Variants in WDPCP observed in about 807,000 individuals in gnomAD.
WDPCP encodes the protein WD repeat containing planar cell polarity effector, also known as WD repeat-containing and planar cell polarity effector protein fritz homolog.
In WDPCP, 71 loss-of-function variants were observed where a neutral mutation model predicts 93.1. The observed-to-expected ratio is 0.76, with a 90% CI of 0.63 to 0.93. WDPCP has a LOEUF of 0.93. WDPCP is among the 40% of genes least tolerant of loss of function. The pLI is 0.00. For synonymous variants in WDPCP, 315 were observed against 315.0 expected (o/e 1.00, Z 0.00); for missense variants, 844 against 887.4 (o/e 0.95, Z 0.62).
intron 14 of WDPCP, among the ~76,000 whole-genome samples, chr2:63,201,001 C>G (rs1462261397): frequency 5.3e-5 from 8 of 152,070 alleles, no homozygotes. Context: ...TGTGTCATCA[C>G]CCAAATCTAC....
At chr2:63,603,034 A>G (rs894890685) in intron 3 of WDPCP, among the ~76,000 whole-genome samples, 9 of 132,084 alleles carry the variant, frequency 6.8e-5, no homozygotes, top group Admixed American at 8.2e-5. Context: ...ATCTCGGCTC[A>G]CTGCAACCTC....
At chr2:63,282,459 C>T (rs940780198) in intron 13 of WDPCP, among the ~76,000 whole-genome samples, 13 of 152,244 alleles carry the variant, frequency 8.5e-5, no homozygotes, top group Middle Eastern at 3.4e-3. Context: ...GAGCCGAGAT[C>T]GCGCCACTGC....
Position 63,121,807 on chromosome 2 carries a change from C to T in WDPCP, c.*199G>A, listed in dbSNP as rs188973730. 8.0e-4 allele frequency: 1,044 copies of T among 1,311,336 alleles called. 3 individuals carry two copies. Among genetic ancestry groups the T allele is most frequent in the African/African-American group, 5.2e-3 (347 of 67,178 alleles). The allele number at this position is 1,311,336 out of a possible 1,614,324, so 81.2% of individuals were successfully genotyped here. A position where few individuals can be genotyped will look rare whatever the true frequency, so the allele number is the denominator to read the frequency against. ...TAAGTAGGTTGAAGACTTTTACTTA[C>T]GATCACTTTGCTGTTATGCTGCATG... is the stretch of plus-strand genomic sequence containing the variant. On this transcript the variant is annotated 3_prime_UTR_variant, in exon 18 of 18. Coordinates refer to ENST00000272321, the MANE Select transcript of WDPCP (RefSeq NM_015910.7).
chr2:63,596,680 A>C (rs1184508939), intron 3 of WDPCP, among the ~76,000 whole-genome samples: 1 of 152,228 alleles, frequency 6.6e-6, no homozygotes, highest in African/African-American at 2.4e-5. Context: ...TGATGCAACT[A>C]GCCAATTTTC....
intron 14 of WDPCP, among the ~76,000 whole-genome samples, chr2:63,222,352 C>A (rs1035513905): frequency 2.0e-5 from 3 of 152,154 alleles, no homozygotes; most frequent in Non-Finnish European, 4.4e-5. Flanking sequence ...GGATTTAGCA[C>A]AACAGGATTC....
At chr2:63,694,075 CCTCTT>C (rs1278609512) in intron 2 of WDPCP, among the ~76,000 whole-genome samples, 1 of 152,152 alleles carries the variant, frequency 6.6e-6, no homozygotes, top group African/African-American at 2.4e-5. Context: ...ATTCTTCCCT[CCTCTT>C]CTCTACTGTA....
At chr2:63,158,368 T>G (rs775315013) in intron 15 of WDPCP, among the ~76,000 whole-genome samples, 1 of 152,202 alleles carries the variant, frequency 6.6e-6, no homozygotes, top group Non-Finnish European at 1.5e-5. Context: ...CATTGTGATC[T>G]CTATCATTTT....
chr2:63,735,009 CA>C (rs1669619458), intron 2 of WDPCP, among the ~76,000 whole-genome samples: 1 of 152,138 alleles, frequency 6.6e-6, no homozygotes, highest in South Asian at 2.1e-4. Flanking sequence ...TTCAGATTTC[CA>C]TGGTAACTCT....
chr2:63,363,976 GCAGA>G, intron 12 of WDPCP, among the ~76,000 whole-genome samples: 1 of 152,094 alleles, frequency 6.6e-6, no homozygotes, highest in Middle Eastern at 3.2e-3. Context: ...GGAGTTCAAG[GCAGA>G]CATGCACTAT....
chr2:63,362,277 TTG>T (rs140044354), intron 12 of WDPCP, among the ~76,000 whole-genome samples: 14 of 94,090 alleles, frequency 1.5e-4, no homozygotes, highest in South Asian at 4.5e-4. Flanking sequence ...TTTTTTTTGG[TTG>T]TGTGTGTGTG....
intron 14 of WDPCP, among the ~76,000 whole-genome samples, chr2:63,201,453 A>G (rs1273782202): frequency 6.6e-6 from 1 of 152,338 alleles, no homozygotes; most frequent in East Asian, 1.9e-4. Flanking sequence ...TGGATTCCAC[A>G]TGCTAATACT....
chr2:63,291,904 A>G (rs1684456226), intron 13 of WDPCP, among the ~76,000 whole-genome samples: 1 of 151,566 alleles, frequency 6.6e-6, no homozygotes, highest in Non-Finnish European at 1.5e-5. Context: ...GAGGCCGAGG[A>G]GGGCGGATCA....
rs1692351348 is a variant in WDPCP, at chr2:63,382,008, G to A, written c.1522C>T (p.Leu508=). 1.2e-5 allele frequency: 20 copies of A among 1,613,382 alleles called. No homozygotes were observed. Among genetic ancestry groups the A allele is most frequent in the Non-Finnish European group, 1.7e-5 (20 of 1,179,732 alleles). Residue 508 remains leucine, a synonymous_variant, in exon 11 of 18, where the codon CTG becomes TTG. Transcript: ENST00000272321. ...AGAGTGTCCCAGTTCATGCTGCTCA[G>A]GATGTTTATTGCCTCATAGATCTCA... The part of the protein sequence containing the change: ...CDEIYEAINI[L]SSMNWDTLGH...
In WDPCP at chr2:63,152,934, TC is replaced by T. The variant is rs757962731; in HGVS notation, c.2169del (p.Arg724GlufsTer17). The T allele has an allele frequency of 1.9e-6, 3 of 1,612,680 alleles. No homozygotes were observed. In the African/African-American group the frequency reaches 4.0e-5, roughly 22 times the overall value. On this transcript the variant is annotated frameshift_variant, in exon 17 of 18. Transcript: ENST00000272321. LOFTEE classifies it high-confidence loss of function. Reference protein sequence around the residue: ...TNTCNAEDGELREDGREQEIR... With the variant: ...TNTCNAEDGEXREDGREQEIR... Reference sequence around the variant, plus strand: ...TTTACCTGTTCTCTGCCGTCTTCTCTCAGTTCTCCGTCTAAAGTAAAAGATT... The same window carrying T: ...TTTACCTGTTCTCTGCCGTCTTCTCTAGTTCTCCGTCTAAAGTAAAAGATT...
At chr2:63,545,313 ATG>A (rs1300996123) in intron 1 of WDPCP, among the ~76,000 whole-genome samples, 1 of 149,812 alleles carries the variant, frequency 6.7e-6, no homozygotes, top group Non-Finnish European at 1.5e-5. Flanking sequence ...GTGCACGTGT[ATG>A]TGTGTGTATG....
chr2:63,653,885 G>A (rs1173606011), intron 2 of WDPCP, among the ~76,000 whole-genome samples: 2 of 145,774 alleles, frequency 1.4e-5, no homozygotes, highest in Non-Finnish European at 3.0e-5. Context: ...ACTCCAGCCT[G>A]TGCAACAGAG....
chr2:63,560,697 C>G (rs190222200), intron 1 of WDPCP, among the ~76,000 whole-genome samples: 22 of 152,142 alleles, frequency 1.4e-4, no homozygotes, highest in Middle Eastern at 3.4e-3. Context: ...ATAGATGAAG[C>G]TGGAAACCAT....
chr2:63,551,681 T>A (rs888276164), intron 1 of WDPCP, among the ~76,000 whole-genome samples: 1 of 152,196 alleles, frequency 6.6e-6, no homozygotes, highest in African/African-American at 2.4e-5. Flanking sequence ...GACAAGGACA[T>A]GTTGGACACA....
intron 17 of WDPCP, among the ~76,000 whole-genome samples, chr2:63,138,945 T>C (rs1482675006): frequency 6.6e-6 from 1 of 152,130 alleles, no homozygotes; most frequent in Non-Finnish European, 1.5e-5. Flanking sequence ...AGTGAGAACA[T>C]ACGATGTTTG....
Sources: allele counts gnomAD v4.1 joint callset (sites outside exome capture counted in the v4.1 genomes callset), GRCh38; gene constraint gnomAD v4.1.1; transcripts MANE v1.5; gene names NCBI Gene and HGNC (gene_info 2026-07-23, HGNC 2026-07-21).